DTNA: variants seen among roughly 807,000 people sequenced by gnomAD.
The protein encoded by DTNA is dystrobrevin alpha.
In DTNA, 43 loss-of-function variants were observed where a neutral mutation model predicts 100.7. That is an observed-to-expected ratio of 0.43 (90% CI 0.33 to 0.55). The LOEUF is 0.55. DTNA is among the 20% of genes least tolerant of loss of function. The pLI is 0.04. For missense variants in DTNA, 798 were observed against 953.9 expected, an observed-to-expected ratio of 0.84 and a Z score of 2.15; for synonymous variants, 349 against 347.9, an observed-to-expected ratio of 1.00 and a Z score of -0.04.
chr18:34,840,013 A>G (rs2096239244), intron 13 of DTNA, among the ~76,000 whole-genome samples: 1 of 151,948 alleles, frequency 6.6e-6, no homozygotes, highest in Non-Finnish European at 1.5e-5. Flanking sequence ...TATTTTCAAA[A>G]TTTTCTTCCT....
intron 1 of DTNA, among the ~76,000 whole-genome samples, chr18:34,592,027 G>A (rs986885053): frequency 6.6e-6 from 1 of 152,054 alleles, no homozygotes; most frequent in Non-Finnish European, 1.5e-5. Context: ...TGGCATCTAC[G>A]TTTTGCCGTT....
chr18:34,744,237 G>A (rs926895244), intron 1 of DTNA, among the ~76,000 whole-genome samples: 2 of 152,076 alleles, frequency 1.3e-5, no homozygotes, highest in African/African-American at 2.4e-5. Flanking sequence ...GAACTTTCTA[G>A]TTTCACTAAA....
At chr18:34,682,354 T>C (rs1423257678) in intron 1 of DTNA, among the ~76,000 whole-genome samples, 1 of 152,212 alleles carries the variant, frequency 6.6e-6, no homozygotes, top group Admixed American at 6.6e-5. Context: ...TTGCCATTAC[T>C]TTTTGATTTA....
rs2096962059 is a variant in DTNA, at chr18:34,891,011, A to G, written c.*3277A>G. 6.5e-6 allele frequency: 1 copy of G among 152,680 alleles called. No homozygotes were observed. The highest frequency in any genetic ancestry group is 1.9e-4 in the East Asian group (1 of 5,192). The allele number at this position is 152,680 out of a possible 1,614,324, so 9.5% of individuals were successfully genotyped here. ...CATTCCCCTTGGTTCGATTCCACGCAAGGAGCCACAAGTGAGAACTCCACT... is the reference window on the plus strand; with the variant it reads ...CATTCCCCTTGGTTCGATTCCACGCGAGGAGCCACAAGTGAGAACTCCACT... On this transcript the variant is annotated 3_prime_UTR_variant, in exon 23 of 23. Transcript: ENST00000444659.
chr18:34,828,734 G>GT (rs748109892), intron 10 of DTNA, among the ~76,000 whole-genome samples: 17 of 152,264 alleles, frequency 1.1e-4, no homozygotes, highest in Non-Finnish European at 2.4e-4. Flanking sequence ...AACGAGGTCT[G>GT]TAACAAGTGG....
intron 1 of DTNA, among the ~76,000 whole-genome samples, chr18:34,615,485 C>T (rs780870129): frequency 6.6e-6 from 1 of 152,126 alleles, no homozygotes; most frequent in Non-Finnish European, 1.5e-5. Context: ...AGCAACAAGG[C>T]AAGACTCTCC....
intron 1 of DTNA, among the ~76,000 whole-genome samples, chr18:34,564,653 G>A (rs1254684545): frequency 3.9e-5 from 6 of 152,122 alleles, no homozygotes; most frequent in Admixed American, 2.6e-4. Flanking sequence ...TTTAAGTTGA[G>A]GTGTATTGTG....
intron 1 of DTNA, among the ~76,000 whole-genome samples, chr18:34,715,577 A>C (rs1459303919): frequency 6.6e-6 from 1 of 152,088 alleles, no homozygotes; most frequent in Non-Finnish European, 1.5e-5. Context: ...ACTTACCTCT[A>C]CACATCCCTG....
chr18:34,750,081 C>T (rs1393673589), intron 1 of DTNA, among the ~76,000 whole-genome samples: 2 of 152,132 alleles, frequency 1.3e-5, no homozygotes, highest in Non-Finnish European at 1.5e-5. Context: ...TTTCATTCAC[C>T]TGGAGCAAAA....
chr18:34,620,365 T>C (rs1274821566), intron 1 of DTNA, among the ~76,000 whole-genome samples: 1 of 152,180 alleles, frequency 6.6e-6, no homozygotes, highest in African/African-American at 2.4e-5. Flanking sequence ...ATCAAAAAAG[T>C]TCATGGAAAT....
At chr18:34,799,664 GT>G (rs1352768926) in intron 4 of DTNA, among the ~76,000 whole-genome samples, 3 of 152,080 alleles carry the variant, frequency 2.0e-5, no homozygotes, top group Non-Finnish European at 2.9e-5. Context: ...CTAAAATCTT[GT>G]TGTAGTGAAA....
rs544457046 is a variant in DTNA, at chr18:34,731,925, T to A, written c.-2+21480T>A. On this transcript the variant is annotated intron_variant, in intron 1 of 22. Transcript: ENST00000444659. ...TGAGGGATGGTGAAAACTCTGAAGA[T>A]GTTGGAACATTGTCAGCTGTCTAAG... 1.9e-4 allele frequency among the ~76,000 whole-genome samples: 29 copies of A among 152,334 alleles called. No individual in the cohort carries two copies. In the South Asian group the frequency reaches 5.4e-3, roughly 28 times the overall value.
chr18:34,710,262 A>AG (rs1600593517), upstream of DTNA: 2 of 152,150 alleles, frequency 1.3e-5, no homozygotes, highest in East Asian at 3.9e-4. Context: ...CCACATGATG[A>AG]GGTGTATTAG....
At chr18:34,585,682 C>A (rs1340664500) in intron 1 of DTNA, among the ~76,000 whole-genome samples, 1 of 152,072 alleles carries the variant, frequency 6.6e-6, no homozygotes, top group African/African-American at 2.4e-5. Context: ...GAATCCTTAT[C>A]TCCCATAGTA....
intron 1 of DTNA, among the ~76,000 whole-genome samples, chr18:34,668,018 AC>A (rs1405082745): frequency 2.6e-5 from 4 of 151,994 alleles, no homozygotes; most frequent in African/African-American, 9.7e-5. Flanking sequence ...TCCTCCTTGT[AC>A]CTCTGGTAGT....
intron 8 of DTNA, among the ~76,000 whole-genome samples, chr18:34,819,612 C>A (rs1256390093): frequency 6.6e-6 from 1 of 152,144 alleles, no homozygotes; most frequent in Non-Finnish European, 1.5e-5. Context: ...AATGCTAAAT[C>A]TACATAAGGA....
intron 1 of DTNA, among the ~76,000 whole-genome samples, chr18:34,533,518 G>T (rs1371777315): frequency 6.6e-6 from 1 of 152,070 alleles, no homozygotes; most frequent in Non-Finnish European, 1.5e-5. Context: ...TGTGTAACTG[G>T]AACTAGAGGC....
intron 13 of DTNA, among the ~76,000 whole-genome samples, chr18:34,839,667 A>G (rs1201400025): frequency 1.3e-5 from 2 of 152,116 alleles, no homozygotes; most frequent in Non-Finnish European, 2.9e-5. Flanking sequence ...AAATATGTCA[A>G]TTTTTCTCAA....
intron 5 of DTNA, 52 bp from the exon 6 acceptor site, chr18:34,811,907 C>T: frequency 6.2e-7 from 1 of 1,607,332 alleles, no homozygotes; most frequent in Non-Finnish European, 8.5e-7. Flanking sequence ...TGAACAAAAA[C>T]AGTGGAGAAT....
Sources: gnomAD v4.1 joint callset for allele counts (sites outside exome capture counted in the v4.1 genomes callset) on GRCh38, gnomAD v4.1.1 for gene constraint, MANE v1.5 for transcripts, NCBI Gene and HGNC (gene_info 2026-07-23, HGNC 2026-07-21) for gene names.